XRCC4: variants seen among roughly 807,000 people sequenced by gnomAD.
XRCC4 encodes the protein X-ray repair cross complementing 4, also known as DNA repair protein XRCC4.
A neutral mutation model predicts 39.1 loss-of-function variants in XRCC4; 28 were observed. The ratio of observed to expected loss-of-function variants is 0.72; its 90% CI spans 0.53 to 0.98. The LOEUF (loss-of-function observed/expected upper bound fraction) is 0.98. XRCC4 is among the 50% of genes least tolerant of loss of function. XRCC4 has a pLI of 0.00. For synonymous variants in XRCC4, 123 were observed against 126.4 expected, an observed-to-expected ratio of 0.97 and a Z score of 0.18; for missense variants, 350 against 376.4, an observed-to-expected ratio of 0.93 and a Z score of 0.58.
chr5:83,170,671 A>G (rs182406382), intron 3 of XRCC4, among the ~76,000 whole-genome samples: 161 of 152,266 alleles, frequency 1.1e-3, no homozygotes, highest in Non-Finnish European at 2.0e-3. Flanking sequence ...CCCACTCCTC[A>G]TGAAGAACCC....
At chr5:83,103,469 A>G (rs893533325) in intron 1 of XRCC4, among the ~76,000 whole-genome samples, 1 of 152,168 alleles carries the variant, frequency 6.6e-6, no homozygotes, top group African/African-American at 2.4e-5. Context: ...TCATACTATC[A>G]ATTGTAAACT....
chr5:83,313,399 C>G (rs1315499384), intron 7 of XRCC4, among the ~76,000 whole-genome samples: 1 of 152,090 alleles, frequency 6.6e-6, no homozygotes, highest in African/African-American at 2.4e-5. Flanking sequence ...TCAAAAAAAT[C>G]TCGTTGTATA....
At chr5:83,120,923 C>T (rs940984439) in intron 3 of XRCC4, among the ~76,000 whole-genome samples, 1 of 152,128 alleles carries the variant, frequency 6.6e-6, no homozygotes, top group Non-Finnish European at 1.5e-5. Flanking sequence ...TTTTAGTACC[C>T]ATCATAATTC....
intron 6 of XRCC4, 89 bp downstream of exon 6, chr5:83,205,010 G>A: frequency 3.4e-6 from 3 of 873,796 alleles, no homozygotes; most frequent in Non-Finnish European, 5.2e-6. Flanking sequence ...GAAAAATGTT[G>A]TGAAAGACCT....
intron 3 of XRCC4, among the ~76,000 whole-genome samples, chr5:83,173,549 TA>T (rs1185556672): frequency 6.6e-6 from 1 of 152,120 alleles, no homozygotes; most frequent in Non-Finnish European, 1.5e-5. Context: ...TTAGATTTTC[TA>T]AAATCATAAA....
intron 6 of XRCC4, among the ~76,000 whole-genome samples, chr5:83,212,960 A>AG (rs1333584150): frequency 6.6e-6 from 1 of 151,586 alleles, no homozygotes; most frequent in Non-Finnish European, 1.5e-5. Flanking sequence ...TAAAAAAAAA[A>AG]AACAAAAAGA....
At chr5:83,184,325 AT>A (rs869145214) in intron 3 of XRCC4, among the ~76,000 whole-genome samples, 63 of 151,470 alleles carry the variant, frequency 4.2e-4, no homozygotes, top group African/African-American at 1.5e-3. Context: ...TTTTATGAAA[AT>A]TTTTTTTTCA....
intron 3 of XRCC4, among the ~76,000 whole-genome samples, chr5:83,138,901 TA>T (rs991226278): frequency 2.6e-5 from 4 of 152,130 alleles, no homozygotes; most frequent in Middle Eastern, 3.2e-3. Context: ...AGGTAATATA[TA>T]TTTTTTATTG....
downstream of XRCC4, among the ~76,000 whole-genome samples, chr5:83,358,216 A>G (rs1292391587): frequency 1.3e-5 from 2 of 152,174 alleles, no homozygotes; most frequent in African/African-American, 4.8e-5. Context: ...TGAGAAATGC[A>G]TTAGAGCAAG....
At chr5:83,287,136 C>T (rs1754764150) in intron 7 of XRCC4, among the ~76,000 whole-genome samples, 2 of 152,070 alleles carry the variant, frequency 1.3e-5, no homozygotes, top group South Asian at 4.1e-4. Flanking sequence ...AGCCCATTCT[C>T]CTGCCCTCTT....
At chr5:83,338,063 G>A (rs1214219394) in intron 7 of XRCC4, among the ~76,000 whole-genome samples, 2 of 152,222 alleles carry the variant, frequency 1.3e-5, no homozygotes, top group Non-Finnish European at 2.9e-5. Context: ...TAAGAAAGAA[G>A]AGTGTGTTTG....
In XRCC4 at chr5:83,091,577, A is replaced by G. The variant is rs1451924761; in HGVS notation, c.-10-13333A>G. ...TCTACTCTCTGCTTCTGTGAGTTCA[A>G]TTAATTTAGATTATACATATAAGTG... is the stretch of plus-strand genomic sequence containing the variant. On this transcript the variant is annotated intron_variant, in intron 1 of 7. Transcript: ENST00000396027. Among the ~76,000 whole-genome samples the G allele has an allele frequency of 3.3e-5, 5 of 152,284 alleles. No individual in the cohort carries two copies. In the East Asian group the frequency reaches 9.6e-4, roughly 29 times the overall value.
At chr5:83,078,989 A>T (rs1423348613) in intron 1 of XRCC4, among the ~76,000 whole-genome samples, 1 of 152,240 alleles carries the variant, frequency 6.6e-6, no homozygotes, top group Admixed American at 6.5e-5. Flanking sequence ...CTTTTAGGGC[A>T]GTAAATGTGT....
chr5:83,203,830 T>C (rs1444674956), intron 5 of XRCC4, 123 bp downstream of exon 5: 1 of 1,201,768 alleles, frequency 8.3e-7, no homozygotes, highest in Admixed American at 2.4e-5. Context: ...AGTCTGGATG[T>C]GGATGTTCAG....
chr5:83,161,231 C>T (rs1749194528), intron 3 of XRCC4, among the ~76,000 whole-genome samples: 1 of 152,058 alleles, frequency 6.6e-6, no homozygotes, highest in South Asian at 2.1e-4. Context: ...CTGCCTCAGC[C>T]TCCCAAGTAG....
At chr5:83,084,530 G>T (rs1408649918) in intron 1 of XRCC4, among the ~76,000 whole-genome samples, 3 of 152,168 alleles carry the variant, frequency 2.0e-5, no homozygotes, top group Non-Finnish European at 2.9e-5. Context: ...AACTGTTCAT[G>T]AGGCATTTAT....
At chr5:83,294,196 C>T (rs28360282) in intron 7 of XRCC4, among the ~76,000 whole-genome samples, 25 of 152,028 alleles carry the variant, frequency 1.6e-4, no homozygotes, top group Non-Finnish European at 2.9e-4. Context: ...GCATTCTAAC[C>T]AGTGGCATGT....
chr5:83,130,333 G>T (rs1404067697), intron 3 of XRCC4, among the ~76,000 whole-genome samples: 1 of 152,134 alleles, frequency 6.6e-6, no homozygotes, highest in Non-Finnish European at 1.5e-5. Context: ...TGATTGTGGT[G>T]GATAAGCTTT....
intron 6 of XRCC4, among the ~76,000 whole-genome samples, chr5:83,215,997 A>G (rs1408554815): frequency 1.3e-5 from 2 of 152,208 alleles, no homozygotes; most frequent in Admixed American, 6.5e-5. Context: ...CTGCACTTCA[A>G]AAAGGTATCA....
Sources: gnomAD v4.1 joint callset for allele counts (sites outside exome capture counted in the v4.1 genomes callset) on GRCh38, gnomAD v4.1.1 for gene constraint, MANE v1.5 for transcripts, NCBI Gene and HGNC (gene_info 2026-07-23, HGNC 2026-07-21) for gene names.